The following BLTP1 variants were observed in gnomAD, a reference collection of about 807,000 sequenced individuals.
BLTP1 encodes fragile site-associated protein.
chr4:122,223,181 T>C, the BLTP1 span: 1 of 968,612 alleles, frequency 1.0e-6, no homozygotes, highest in Non-Finnish European at 1.2e-6. Context: ...AGAGTGATTA[T>C]TGTAGTCACA....
At chr4:122,166,000 A>C in the BLTP1 span, among the ~76,000 whole-genome samples, 1 of 151,854 alleles carries the variant, frequency 6.6e-6, no homozygotes, top group Admixed American at 6.6e-5. Context: ...TAGATTGCAA[A>C]AATTTTCTCC....
chr4:122,334,193 G>T, the BLTP1 span: 1 of 753,690 alleles, frequency 1.3e-6, no homozygotes, highest in Non-Finnish European at 2.1e-6. Flanking sequence ...ATGAATAAAA[G>T]CAAAGAAACT....
chr4:122,247,185 T>C, the BLTP1 span: 12 of 1,613,094 alleles, frequency 7.4e-6, no homozygotes, highest in Non-Finnish European at 1.0e-5. Flanking sequence ...CTTCAAACAA[T>C]GCAGAACCTG....
At chr4:122,353,325 A>G in the BLTP1 span, 1 of 808,444 alleles carries the variant, frequency 1.2e-6, no homozygotes, top group Non-Finnish European at 1.5e-6. The surrounding 1 kb of genome is among the most constrained non-coding windows in gnomAD (Gnocchi z 4.3). Context: ...TAATTTCTGA[A>G]CTTGCCATCT....
At chr4:122,187,569 T>C in the BLTP1 span, 183 of 1,508,574 alleles carry the variant, frequency 1.2e-4, 2 homozygotes, top group South Asian at 2.3e-3. Flanking sequence ...GAACTTTTAA[T>C]TTTTGCAAAT....
chr4:122,180,058 A>G, the BLTP1 span: 2 of 983,014 alleles, frequency 2.0e-6, no homozygotes, highest in Non-Finnish European at 2.4e-6. Context: ...ACACACACAC[A>G]CACACACACA....
the BLTP1 span, chr4:122,249,176 T>A: frequency 1.6e-6 from 1 of 613,742 alleles, no homozygotes; most frequent in Non-Finnish European, 2.0e-6. Flanking sequence ...ATGATGAAAG[T>A]ATTTAAAACT....
At chr4:122,212,042 G>C in the BLTP1 span, 1 of 984,226 alleles carries the variant, frequency 1.0e-6, no homozygotes, top group Non-Finnish European at 1.2e-6. Flanking sequence ...AGCTGACAAG[G>C]AATCCTGTAA....
chr4:122,307,894 T>C, the BLTP1 span: 5 of 1,567,912 alleles, frequency 3.2e-6, no homozygotes, highest in Non-Finnish European at 4.3e-6. Flanking sequence ...ACTTAACATA[T>C]AGATTTACAG....
chr4:122,220,910 T>C, the BLTP1 span: 1 of 164,658 alleles, frequency 6.1e-6, no homozygotes, highest in South Asian at 2.0e-4. Flanking sequence ...CTTTGTTAAT[T>C]CCTTCAAGAT....
chr4:122,182,881 A>G, the BLTP1 span: 3 of 985,164 alleles, frequency 3.0e-6, no homozygotes, highest in East Asian at 3.4e-4. Flanking sequence ...GTGAATGCCA[A>G]ATAAATACCT....
chr4:122,247,641 A>T, the BLTP1 span: 11 of 1,201,424 alleles, frequency 9.2e-6, no homozygotes, highest in East Asian at 4.3e-4. Context: ...TTTCCATGCT[A>T]TTTACTTGCT....
At chr4:122,214,840 A>G in the BLTP1 span, among the ~76,000 whole-genome samples, 1 of 151,778 alleles carries the variant, frequency 6.6e-6, no homozygotes, top group Admixed American at 6.6e-5. Flanking sequence ...TCGAACTCCT[A>G]GGCTCAAGTG....
At chr4:122,211,029 G>A in the BLTP1 span, 1 of 1,609,592 alleles carries the variant, frequency 6.2e-7, no homozygotes, top group Non-Finnish European at 8.5e-7. Flanking sequence ...ATGTAGAAAT[G>A]GAACTTTCTC....
At chr4:122,240,305 T>C in the BLTP1 span, 1 of 1,614,120 alleles carries the variant, frequency 6.2e-7, no homozygotes, top group Non-Finnish European at 8.5e-7. Context: ...CACCAACCAG[T>C]GAAGAAAGTT....
At chr4:122,351,133 G>C in the BLTP1 span, 1 of 199,972 alleles carries the variant, frequency 5.0e-6, no homozygotes, top group Non-Finnish European at 8.9e-6. Context: ...AAGAGTCCAG[G>C]CAAGAAATGG....
chr4:122,228,651 T>C, the BLTP1 span, among the ~76,000 whole-genome samples: 1 of 152,170 alleles, frequency 6.6e-6, no homozygotes, highest in Admixed American at 6.5e-5. Context: ...ATCATAAAAA[T>C]CTGTGTTTTA....
At chr4:122,282,413 G>A in the BLTP1 span, among the ~76,000 whole-genome samples, 2 of 152,170 alleles carry the variant, frequency 1.3e-5, no homozygotes, top group South Asian at 2.1e-4. Flanking sequence ...AGGCTGAGGC[G>A]GGTGGATCAC....
the BLTP1 span, among the ~76,000 whole-genome samples, chr4:122,182,442 AAATTTACC>A: frequency 6.6e-6 from 1 of 152,100 alleles, no homozygotes; most frequent in Admixed American, 6.6e-5. Flanking sequence ...CCATTACCTT[AAATTTACC>A]ACCACCAAAT....
Sources: allele counts gnomAD v4.1 joint callset (sites outside exome capture counted in the v4.1 genomes callset), GRCh38; gene constraint gnomAD v4.1.1; non-coding constraint Gnocchi (gnomAD v3.1); transcripts MANE v1.5; gene names NCBI Gene and HGNC (gene_info 2026-07-23, HGNC 2026-07-21).